The following TTLL11 variants were observed in gnomAD, a reference collection of about 807,000 sequenced individuals.
TTLL11 encodes tubulin tyrosine ligase like 11, also known as tubulin polyglutamylase TTLL11.
Under a neutral mutation model 51.7 loss-of-function variants are expected in TTLL11, and 42 were observed. That is an observed-to-expected ratio of 0.81 (90% CI 0.64 to 1.05). The LOEUF is 1.05. Ranked by LOEUF, TTLL11 falls within the 50% of genes least tolerant of loss-of-function variation. TTLL11 has a pLI of 0.00. For missense variants in TTLL11, 799 were observed against 940.4 expected (o/e 0.85, Z 1.97); for synonymous variants, 381 against 383.5 (o/e 0.99, Z 0.08).
At chr9:121,899,366 T>TGTGTATATATATAC (rs1491307393) in intron 6 of TTLL11, among the ~76,000 whole-genome samples, 40 of 66,168 alleles carry the variant, frequency 6.0e-4, no homozygotes, top group East Asian at 1.5e-3. Flanking sequence ...TGTGTGTGTG[T>TGTGTATATATATAC]ATATATATAT....
chr9:121,915,049 G>A (rs1000794071), intron 6 of TTLL11, among the ~76,000 whole-genome samples: 3 of 152,142 alleles, frequency 2.0e-5, no homozygotes, highest in African/African-American at 7.2e-5. Context: ...TCTGCCTCCT[G>A]TTGCTCTTTC....
intron 1 of TTLL11, among the ~76,000 whole-genome samples, chr9:122,076,700 G>A (rs1845869492): frequency 1.4e-5 from 2 of 142,804 alleles, no homozygotes; most frequent in Non-Finnish European, 3.0e-5. Context: ...AAGTTCCAAG[G>A]AACATAAGAT....
chr9:121,900,677 T>A (rs555057620), intron 6 of TTLL11, among the ~76,000 whole-genome samples: 23 of 152,332 alleles, frequency 1.5e-4, no homozygotes, highest in Non-Finnish European at 2.5e-4. Context: ...GTGTTTCCCA[T>A]CTCATTATTT....
chr9:121,970,416 G>A (rs1001815293), intron 6 of TTLL11, among the ~76,000 whole-genome samples: 2 of 152,154 alleles, frequency 1.3e-5, no homozygotes, highest in Non-Finnish European at 2.9e-5. Flanking sequence ...ACAGTAGAAC[G>A]CTTCTACCCC....
chr9:122,030,776 C>CAAAAAAAAAAAAAAAAAAA (rs35456581), intron 3 of TTLL11, among the ~76,000 whole-genome samples: 13 of 69,276 alleles, frequency 1.9e-4, no homozygotes, highest in African/African-American at 2.6e-4. Flanking sequence ...ACAAAAAATA[C>CAAAAAAAAAAAAAAAAAAA]AAAAAAAAAA....
chr9:122,063,441 C>G lies in TTLL11; in HGVS notation c.463-24073G>C, dbSNP rs75282443. Among the ~76,000 whole-genome samples the G allele has an allele frequency of 4.7e-3, 723 of 152,236 alleles. 34 individuals are homozygous for G. In the East Asian group the frequency reaches 0.11, roughly 23 times the overall value. ...TTAATGCTAGAAAACAGGTCACTAG[C>G]TGTAGCCATTCAGGTACAGAAAAAA... On this transcript the variant is annotated intron_variant, in intron 1 of 8. Transcript: ENST00000321582.
At chr9:121,838,757 A>C (rs1215909786) in intron 8 of TTLL11, among the ~76,000 whole-genome samples, 15 of 96,774 alleles carry the variant, frequency 1.5e-4, no homozygotes, top group East Asian at 7.8e-4. Flanking sequence ...AGAAAGAAAG[A>C]GAGAAAGCAA....
At chr9:122,057,539 G>T (rs1023208538) in intron 1 of TTLL11, among the ~76,000 whole-genome samples, 2 of 151,958 alleles carry the variant, frequency 1.3e-5, no homozygotes, top group Non-Finnish European at 2.9e-5. Flanking sequence ...GTTGGCCGGG[G>T]TGGTCTCGAA....
In TTLL11 at chr9:121,815,831, A is replaced by T. The variant is rs1588042666; in HGVS notation, c.*6756T>A. ...TTTTGAAAGGCTTTTTAGAGGCAGG[A>T]GCTGCAGTCTCTTAAAGGCAGAGCT... On this transcript the variant is annotated 3_prime_UTR_variant, in exon 9 of 9. Coordinates refer to ENST00000321582, the MANE Select transcript of TTLL11 (RefSeq NM_001139442.2). The T allele has an allele frequency of 6.6e-6, 1 of 152,208 alleles. No individual in the cohort carries two copies. The highest frequency in any genetic ancestry group is 6.5e-5 in the Admixed American group (1 of 15,288). The allele number at this position is 152,208 out of a possible 1,614,324, so 9.4% of individuals were successfully genotyped here.
Position 121,890,600 on chromosome 9 carries a change from C to CT in TTLL11, c.1482-19853_1482-19852insA, listed in dbSNP as rs1278114637. ...TTTCTCCATAGCGCTCATCACCACTCATCACAGTATAGATTTTACTCATTT... is the reference window on the plus strand; with the variant it reads ...TTTCTCCATAGCGCTCATCACCACTCTATCACAGTATAGATTTTACTCATTT... On this transcript the variant is annotated intron_variant, in intron 6 of 8. Transcript: ENST00000321582. The surrounding 1 kb of genome is among the most constrained non-coding windows in gnomAD (Gnocchi z 4.3). Among the ~76,000 whole-genome samples, 3 of 152,218 alleles carry CT rather than the reference C, an allele frequency of 2.0e-5. No homozygotes were observed. In the East Asian group the frequency reaches 5.8e-4, roughly 29 times the overall value.
chr9:121,845,424 A>G (rs7042186), intron 8 of TTLL11, among the ~76,000 whole-genome samples: 101,888 of 151,950 alleles, frequency 0.67, 34,588 homozygotes, highest in East Asian at 0.79. Context: ...ATTTCAGAGA[A>G]CAGAAAAATG....
intron 6 of TTLL11, among the ~76,000 whole-genome samples, chr9:121,953,731 C>G (rs1172196699): frequency 1.3e-5 from 2 of 151,484 alleles, no homozygotes; most frequent in Non-Finnish European, 2.9e-5. Context: ...ACCCCTCCCC[C>G]AAAAAATCCA....
At chr9:122,087,498 G>A (rs1846155707) in intron 1 of TTLL11, among the ~76,000 whole-genome samples, 1 of 152,170 alleles carries the variant, frequency 6.6e-6, no homozygotes, top group African/African-American at 2.4e-5. Context: ...GCATGATTTG[G>A]AGTCTCTGAA....
intron 4 of TTLL11, among the ~76,000 whole-genome samples, chr9:121,983,997 T>C (rs1016341613): frequency 2.0e-5 from 3 of 152,134 alleles, no homozygotes; most frequent in African/African-American, 4.8e-5. Context: ...TTAGAAGGCG[T>C]TGAAGTTCAA....
At chr9:121,886,714 C>T (rs889222865) in intron 6 of TTLL11, among the ~76,000 whole-genome samples, 7 of 152,294 alleles carry the variant, frequency 4.6e-5, no homozygotes, top group African/African-American at 1.4e-4. Flanking sequence ...AACCTAGGTA[C>T]CCTTGGGGGT....
At chr9:121,975,364 G>A (rs2131661399) in intron 4 of TTLL11, among the ~76,000 whole-genome samples, 1 of 152,210 alleles carries the variant, frequency 6.6e-6, no homozygotes. Context: ...AGAACCTAAG[G>A]CTGCTTTTGC....
At chr9:121,841,483 T>A (rs1277396742) in intron 8 of TTLL11, among the ~76,000 whole-genome samples, 1 of 152,074 alleles carries the variant, frequency 6.6e-6, no homozygotes, top group Non-Finnish European at 1.5e-5. Context: ...GCAGATGTGA[T>A]CAGTGGGGAA....
At position 121,819,849 on chromosome 9, in the gene TTLL11, T is replaced by C. The variant is rs564323511; in HGVS notation, c.*2738A>G. On this transcript the variant is annotated 3_prime_UTR_variant, in exon 9 of 9. Transcript: ENST00000321582. Reference sequence around the variant, plus strand: ...CCGATTACCAAAGGGGTAAACACAGTGGTGCTTCTTATTAGGAATGGAGGA... The same window carrying C: ...CCGATTACCAAAGGGGTAAACACAGCGGTGCTTCTTATTAGGAATGGAGGA... 2.6e-5 allele frequency among the ~76,000 whole-genome samples: 4 copies of C among 152,158 alleles called. No individual in the cohort carries two copies. The highest frequency in any genetic ancestry group is 5.9e-5 in the Non-Finnish European group (4 of 68,010).
intron 3 of TTLL11, among the ~76,000 whole-genome samples, chr9:122,010,223 C>T (rs962307039): frequency 1.3e-5 from 2 of 152,142 alleles, no homozygotes; most frequent in Non-Finnish European, 2.9e-5. Flanking sequence ...AACTGACACA[C>T]AATGAAAGTT....
Sources: allele counts gnomAD v4.1 joint callset (sites outside exome capture counted in the v4.1 genomes callset), GRCh38; gene constraint gnomAD v4.1.1; non-coding constraint Gnocchi (gnomAD v3.1); transcripts MANE v1.5; gene names NCBI Gene and HGNC (gene_info 2026-07-23, HGNC 2026-07-21).